The following C2CD3 variants were observed in gnomAD, a reference collection of about 807,000 sequenced individuals.
C2CD3 encodes C2 domain containing 3 centriole elongation regulator.
In C2CD3, 148 loss-of-function variants were observed where a neutral mutation model predicts 234.0. The observed-to-expected ratio is 0.63, with a 90% CI of 0.55 to 0.72. The LOEUF is 0.72. C2CD3 is among the 30% of genes least tolerant of loss of function. The pLI is 0.00. For missense variants in C2CD3, 2,577 were observed against 2,811.5 expected, an observed-to-expected ratio of 0.92 and a Z score of 1.89; for synonymous variants, 1,000 against 1,035.4, an observed-to-expected ratio of 0.97 and a Z score of 0.66.
chr11:74,037,922 T>G (rs1260002702), intron 29 of C2CD3, among the ~76,000 whole-genome samples: 1 of 152,154 alleles, frequency 6.6e-6, no homozygotes, highest in Non-Finnish European at 1.5e-5. Context: ...GTCTGTCTAA[T>G]GCGATTCCTC....
intron 3 of C2CD3, among the ~76,000 whole-genome samples, chr11:74,154,482 T>C (rs1464249549): frequency 6.6e-6 from 1 of 152,156 alleles, no homozygotes; most frequent in Non-Finnish European, 1.5e-5. Flanking sequence ...AATGAATGAA[T>C]GAATAAATAC....
intron 15 of C2CD3, 140 bp from the exon 16 acceptor site, chr11:74,098,395 G>A: frequency 1.2e-6 from 1 of 831,886 alleles, no homozygotes; most frequent in Non-Finnish European, 1.8e-6. Flanking sequence ...AAAAATGTGT[G>A]CATCTGTCAG....
chr11:74,099,622 C>T (rs11235998), intron 15 of C2CD3, among the ~76,000 whole-genome samples: 26,252 of 151,922 alleles, frequency 0.17, 2,497 homozygotes, highest in East Asian at 0.3. Flanking sequence ...TTAGGCTGGG[C>T]GCGGTGGCTC....
At chr11:74,106,752 T>C (rs1015844860) in intron 12 of C2CD3, among the ~76,000 whole-genome samples, 1 of 152,088 alleles carries the variant, frequency 6.6e-6, no homozygotes, top group African/African-American at 2.4e-5. Flanking sequence ...TCACTAAGAG[T>C]TAATTCTTAC....
At chr11:74,127,071 AAT>A (rs1957437632) in intron 7 of C2CD3, among the ~76,000 whole-genome samples, 2 of 152,234 alleles carry the variant, frequency 1.3e-5, no homozygotes, top group Non-Finnish European at 2.9e-5. Flanking sequence ...ACAGTGTTGC[AAT>A]CACAGCTTAC....
At chr11:74,051,173 G>A (rs910860326) in intron 26 of C2CD3, among the ~76,000 whole-genome samples, 2 of 151,092 alleles carry the variant, frequency 1.3e-5, no homozygotes, top group African/African-American at 4.9e-5. Context: ...GTGCATGTCT[G>A]TAGTCCCAGC....
chr11:74,030,399 C>G (rs529575766), intron 31 of C2CD3, among the ~76,000 whole-genome samples: 1 of 152,322 alleles, frequency 6.6e-6, no homozygotes, highest in African/African-American at 2.4e-5. Context: ...CTAATGAAGT[C>G]TGGCTTCCAT....
intron 32 of C2CD3, among the ~76,000 whole-genome samples, chr11:74,015,720 G>A (rs1220623796): frequency 6.6e-6 from 1 of 152,104 alleles, no homozygotes; most frequent in African/African-American, 2.4e-5. Context: ...ACTTAGATGA[G>A]TCTTGTTCTC....
At chr11:74,038,961 T>G (rs1444610486) in intron 29 of C2CD3, among the ~76,000 whole-genome samples, 1 of 152,206 alleles carries the variant, frequency 6.6e-6, no homozygotes, top group African/African-American at 2.4e-5. Context: ...CTGAAAGTCT[T>G]TCTATCCTTT....
At chr11:74,057,366 G>A (rs1954003386) in intron 25 of C2CD3, 40 bp downstream of exon 25, 1 of 1,611,072 alleles carries the variant, frequency 6.2e-7, no homozygotes, top group African/African-American at 1.3e-5. Context: ...GGAACAAAAA[G>A]CAGATTCTGG....
chr11:74,055,702 G>A (rs1246040480), intron 25 of C2CD3, among the ~76,000 whole-genome samples: 1 of 152,170 alleles, frequency 6.6e-6, no homozygotes, highest in Non-Finnish European at 1.5e-5. Context: ...TGTTAAATGG[G>A]ATAATACTAT....
intron 24 of C2CD3, among the ~76,000 whole-genome samples, chr11:74,057,850 A>G (rs1954032614): frequency 6.6e-6 from 1 of 152,118 alleles, no homozygotes; most frequent in Non-Finnish European, 1.5e-5. Flanking sequence ...CTGTAGTCCC[A>G]GCTACTCAGG....
At chr11:74,167,443 C>A (rs1262108057) in intron 2 of C2CD3, among the ~76,000 whole-genome samples, 7 of 152,080 alleles carry the variant, frequency 4.6e-5, no homozygotes, top group Admixed American at 4.6e-4. Flanking sequence ...TTTTTGTAAA[C>A]CCCATGGTGC....
At chr11:74,054,579 G>A in intron 26 of C2CD3, 28 bp downstream of exon 26, 1 of 1,232,190 alleles carries the variant, frequency 8.1e-7, no homozygotes, top group South Asian at 1.3e-5. Context: ...TTACAAGCAA[G>A]CAGATATTCT....
intron 7 of C2CD3, chr11:74,128,591 A>G (rs1957497836): frequency 6.6e-6 from 1 of 151,632 alleles, no homozygotes; most frequent in Non-Finnish European, 1.5e-5. Flanking sequence ...TGTTTCTCGC[A>G]GAGGGGGATT....
At chr11:74,039,115 T>C (rs1952885956) in intron 29 of C2CD3, among the ~76,000 whole-genome samples, 1 of 152,210 alleles carries the variant, frequency 6.6e-6, no homozygotes, top group African/African-American at 2.4e-5. Flanking sequence ...ATATGCCACA[T>C]GGATAAACAT....
chr11:74,139,628 G>C lies in C2CD3; in HGVS notation c.684C>G (p.Asn228Lys). 3 of 1,613,584 alleles carry C rather than the reference G, an allele frequency of 1.9e-6. No individual in the cohort carries two copies. Among genetic ancestry groups the C allele is most frequent in the Non-Finnish European group, 2.5e-6 (3 of 1,179,554 alleles). ...IKIDGKELAA[N>K]SSRSTTPRGK... ...ACCTCGGAGTGGTTGATCTACTGCTGTTGGCTGCTAACTCTTTTCCATCAA... is the reference window on the plus strand; with the variant it reads ...ACCTCGGAGTGGTTGATCTACTGCTCTTGGCTGCTAACTCTTTTCCATCAA... Residue 228 changes from asparagine to lysine, a missense_variant, in exon 4 of 33, where the codon AAC (asparagine) becomes AAG (lysine). Coordinates refer to ENST00000334126, the MANE Select transcript of C2CD3 (RefSeq NM_001286577.2).
In C2CD3 at chr11:74,034,018, G is replaced by C. The variant is rs1234000516; in HGVS notation, c.6142C>G (p.Gln2048Glu). The C allele has an allele frequency of 1.3e-6, 2 of 1,536,362 alleles. No homozygotes were observed. The highest frequency in any genetic ancestry group is 1.7e-6 in the Non-Finnish European group (2 of 1,146,996). ...CCTGCCTCAGTGTCTTCACTGCTCTGCATCCTTGTAATGGGTACTGCATGC... is the reference window on the plus strand; with the variant it reads ...CCTGCCTCAGTGTCTTCACTGCTCTCCATCCTTGTAATGGGTACTGCATGC... ...LRHAVPITRM[Q>E]SSEDTEAGPA... Residue 2048 changes from glutamine to glutamate, a missense_variant, in exon 31 of 33, where the codon CAG becomes GAG. Gln to Glu is a conservative substitution (Grantham distance 29). Coordinates refer to ENST00000334126, the MANE Select transcript of C2CD3 (RefSeq NM_001286577.2).
intron 11 of C2CD3, among the ~76,000 whole-genome samples, chr11:74,111,949 CACACACACACACACACACACAT>C (rs1321574422): frequency 5.4e-5 from 8 of 147,274 alleles, no homozygotes; most frequent in Admixed American, 1.3e-4. Context: ...CACACACACA[CACACACACACACACACACACAT>C]ATATATATAC....
Sources: gnomAD v4.1 joint callset for allele counts (sites outside exome capture counted in the v4.1 genomes callset) on GRCh38, gnomAD v4.1.1 for gene constraint, MANE v1.5 for transcripts, NCBI Gene and HGNC (gene_info 2026-07-23, HGNC 2026-07-21) for gene names.